RYR1: variants seen among roughly 807,000 people sequenced by gnomAD.
The protein encoded by RYR1 is ryanodine receptor 1, also known as central core disease of muscle.
In RYR1, 342 loss-of-function variants were observed where a neutral mutation model predicts 583.5. The ratio of observed to expected loss-of-function variants is 0.59; its 90% CI spans 0.54 to 0.64. The LOEUF (loss-of-function observed/expected upper bound fraction) is 0.64, where lower values mean the gene tolerates loss of function less well. Ranked by LOEUF, RYR1 falls within the 30% of genes least tolerant of loss-of-function variation. The pLI, the probability that RYR1 is intolerant of heterozygous loss-of-function variation, is 0.00. For synonymous variants in RYR1, 2,791 were observed against 2,822.5 expected (o/e 0.99, Z 0.35); for missense variants, 6,032 against 6,917.2 (o/e 0.87, Z 4.54).
At chr19:38,523,820 AG>A in intron 69 of RYR1, 94 bp from the exon 70 acceptor site, 1 of 1,525,150 alleles carries the variant, frequency 6.6e-7, no homozygotes, top group South Asian at 1.1e-5. Flanking sequence ...GGTGGGGCAG[AG>A]GAGGTGGGGT....
In RYR1 at chr19:38,477,832, G is replaced by A. The variant is rs756225550; in HGVS notation, c.4416G>A (p.Thr1472=). ...ACCTCAGCAAGGTCCGGGTCGTGAC[G>A]GTGACCATGGGGGATGAACAAGGCA... ...SFDLSKVRVV[T]VTMGDEQGNV... Residue 1472 remains threonine (T), a synonymous_variant, in exon 30 of 106, where the codon ACG becomes ACA. Coordinates refer to ENST00000359596, the MANE Select transcript of RYR1 (RefSeq NM_000540.3). The A allele has an allele frequency of 1.1e-5, 17 of 1,613,832 alleles. No homozygotes were observed. In the South Asian group the frequency reaches 1.3e-4, roughly 13 times the overall value.
intron 63 of RYR1, among the ~76,000 whole-genome samples, chr19:38,513,210 G>A (rs1007646658): frequency 3.9e-5 from 6 of 152,012 alleles, no homozygotes; most frequent in African/African-American, 9.7e-5. Flanking sequence ...GGTGGTGGTC[G>A]CCTATAATCC....
chr19:38,533,845 T>TGAACA (rs1212968943), intron 78 of RYR1, among the ~76,000 whole-genome samples: 1 of 151,768 alleles, frequency 6.6e-6, no homozygotes, highest in Non-Finnish European at 1.5e-5. Flanking sequence ...GAAGTAGTGA[T>TGAACA]GAACATAACT....
At chr19:38,489,993 G>C in intron 35 of RYR1, 83 bp from the exon 36 acceptor site, 1 of 1,421,368 alleles carries the variant, frequency 7.0e-7, no homozygotes, top group Non-Finnish European at 9.9e-7. Context: ...GCCATGGAGA[G>C]GGGAGAGGAA....
In RYR1 at chr19:38,505,879, A is replaced by G. The variant is rs930504916; in HGVS notation, c.8474A>G (p.Lys2825Arg). ...ATTGCCTGGGAATGGACGATAGAGA[A>G]GGCCAGGGAGGGTGAGGAGGAGAAG... is the stretch of plus-strand genomic sequence containing the variant. Reference protein sequence around the residue: ...AMIAWEWTIEKAREGEEEKTE... With the variant: ...AMIAWEWTIERAREGEEEKTE... Residue 2825 changes from lysine to arginine, a missense_variant, in exon 54 of 106, where the codon AAG becomes AGG. Lys to Arg is a conservative substitution (Grantham distance 26). Transcript: ENST00000359596. 3 of 1,614,058 alleles carry G rather than the reference A, an allele frequency of 1.9e-6. No homozygotes were observed. The highest frequency in any genetic ancestry group is 2.5e-6 in the Non-Finnish European group (3 of 1,179,996).
rs766797277 is a variant in RYR1 at position 38,466,351 on chromosome 19, C to A, written c.3131C>A (p.Thr1044Asn). 2 of 1,586,348 alleles carry A rather than the reference C, an allele frequency of 1.3e-6. No homozygotes were observed. The highest frequency in any genetic ancestry group is 8.6e-7 in the Non-Finnish European group (1 of 1,168,500). ...GACAGCCTCTGCCAGGCCGTGCGCA[C>A]CCTCCTGGGCTACGGCTACAACATC... ...NRDSLCQAVR[T>N]LLGYGYNIEP... The change falls in exon 24 of 106, where the codon ACC (threonine) becomes AAC (asparagine). Residue 1044 changes from threonine (T) to asparagine (N), a missense_variant. Thr to Asn is a moderately conservative substitution (Grantham distance 65). Coordinates refer to ENST00000359596, the MANE Select transcript of RYR1 (RefSeq NM_000540.3).
In RYR1 at chr19:38,483,491, G is replaced by A; in HGVS notation, c.4909G>A (p.Ala1637Thr). 6.4e-7 allele frequency: 1 copy of A among 1,556,400 alleles called. No homozygotes were observed. Among genetic ancestry groups the A allele is most frequent in the Non-Finnish European group, 8.7e-7 (1 of 1,154,412 alleles). ...GTGCCAGGAGCCGCTGACCATGATG[G>A]CGCTGCACATCCCCGAGGAGAACCG... ...VQCQEPLTMM[A>T]LHIPEENRCM... Residue 1637 changes from alanine to threonine, a missense_variant, in exon 33 of 106, where the codon GCG becomes ACG. Coordinates refer to ENST00000359596, the MANE Select transcript of RYR1 (RefSeq NM_000540.3). The surrounding 1 kb of genome is among the most constrained non-coding windows in gnomAD (Gnocchi z 6.3).
chr19:38,477,831 C>T lies in RYR1; in HGVS notation c.4415C>T (p.Thr1472Met), dbSNP rs1318296270. ...SFDLSKVRVV[T>M]VTMGDEQGNV... ...GACCTCAGCAAGGTCCGGGTCGTGACGGTGACCATGGGGGATGAACAAGGC... is the reference window on the plus strand; with the variant it reads ...GACCTCAGCAAGGTCCGGGTCGTGATGGTGACCATGGGGGATGAACAAGGC... Residue 1472 changes from threonine (T) to methionine (M), a missense_variant, in exon 30 of 106, where the codon ACG becomes ATG. This residue lies in a region of RYR1 where 2,627 missense variants were observed against 2,961.3 expected (regional missense o/e 0.89). Coordinates refer to ENST00000359596, the MANE Select transcript of RYR1 (RefSeq NM_000540.3). 26 of 1,392,756 alleles carry T rather than the reference C, an allele frequency of 1.9e-5. No homozygotes were observed. The highest frequency in any genetic ancestry group is 6.1e-5 in the African/African-American group (4 of 66,032). The allele number at this position is 1,392,756 out of a possible 1,614,324, so 86.3% of individuals were successfully genotyped here.
intron 89 of RYR1, among the ~76,000 whole-genome samples, chr19:38,560,555 C>T (rs1973079086): frequency 6.6e-6 from 1 of 151,008 alleles, no homozygotes; most frequent in African/African-American, 2.4e-5. Context: ...ATGATGAAAC[C>T]CTATCTCACT....
At chr19:38,471,081 G>A (rs1048851804) in intron 27 of RYR1, among the ~76,000 whole-genome samples, 1 of 152,210 alleles carries the variant, frequency 6.6e-6, no homozygotes, top group Non-Finnish European at 1.5e-5. Flanking sequence ...ACAGGCTGTG[G>A]GATTCCATTC....
At chr19:38,490,533 G>A in intron 36 of RYR1, 88 bp from the exon 37 acceptor site, 2 of 909,020 alleles carry the variant, frequency 2.2e-6, no homozygotes, top group East Asian at 2.5e-5. Flanking sequence ...CCTTAGACAT[G>A]GACTAACAAT....
At chr19:38,472,081 C>CT (rs1968452321) in intron 27 of RYR1, among the ~76,000 whole-genome samples, 1 of 151,778 alleles carries the variant, frequency 6.6e-6, no homozygotes, top group South Asian at 2.1e-4. Context: ...CTCTAGGAGA[C>CT]TTTTGAGAGT....
chr19:38,586,330 T>C (rs986337127), intron 104 of RYR1, 139 bp downstream of exon 104: 7 of 1,123,274 alleles, frequency 6.2e-6, no homozygotes, highest in Non-Finnish European at 2.6e-6. Flanking sequence ...AATCAGAAGG[T>C]AAGGGTGGGG....
chr19:38,578,088 G>A (rs1447927369), intron 98 of RYR1, 40 bp downstream of exon 98: 2 of 1,613,654 alleles, frequency 1.2e-6, no homozygotes, highest in Admixed American at 1.7e-5. Context: ...GGGGCATGCA[G>A]GGGAGGTGAC....
chr19:38,436,308 A>G (rs1972424652), intron 1 of RYR1, among the ~76,000 whole-genome samples: 1 of 151,696 alleles, frequency 6.6e-6, no homozygotes, highest in African/African-American at 2.4e-5. Context: ...CCCAGGCTCC[A>G]GTGATCCTCC....
chr19:38,519,357 C>T lies in RYR1; in HGVS notation c.10162C>T (p.Gln3388Ter). 1.2e-6 allele frequency: 2 copies of T among 1,611,180 alleles called. No homozygotes were observed. Among genetic ancestry groups the T allele is most frequent in the South Asian group, 2.2e-5 (2 of 90,824 alleles). ...QLRLEAKAEA[Q>*]EGELLVRDEF... ...GCGCCTGGAGGCCAAGGCGGAGGCC[C>T]AGGAGGGCGAGCTGCTGGTGCGGGA... is the stretch of plus-strand genomic sequence containing the variant. Residue 3388 changes from glutamine (Q) to a stop codon, truncating the protein, a stop_gained, in exon 67 of 106, where the codon CAG becomes TAG. Transcript: ENST00000359596. LOFTEE classifies it high-confidence loss of function.
intron 90 of RYR1, among the ~76,000 whole-genome samples, 176 bp from the exon 91 acceptor site, chr19:38,564,783 T>C (rs1212314893): frequency 6.6e-6 from 1 of 152,204 alleles, no homozygotes; most frequent in African/African-American, 2.4e-5. Context: ...CCCAAAGTGC[T>C]ATGATTACAG....
At position 38,586,144 on chromosome 19, in the gene RYR1, T is replaced by C; in HGVS notation, c.14922T>C (p.His4974=). 1 of 1,614,092 alleles carries C rather than the reference T, an allele frequency of 6.2e-7. No homozygotes were observed. Among genetic ancestry groups the C allele is most frequent in the Non-Finnish European group, 8.5e-7 (1 of 1,180,014 alleles). ...GTGACTACTTTGATACGACACCGCA[T>C]GGCTTCGAGACTCACACGCTGGAGG... ...IGSDYFDTTP[H]GFETHTLEEH... is the part of the protein sequence containing the mutation. The change falls in exon 104 of 106, where the codon CAT becomes CAC. Residue 4974 remains histidine (H), a synonymous_variant. Transcript: ENST00000359596.
At chr19:38,502,751 T>C (rs1335853828) in intron 48 of RYR1, 24 bp downstream of exon 48, 2 of 1,045,444 alleles carry the variant, frequency 1.9e-6, no homozygotes, top group Non-Finnish European at 2.7e-6. Flanking sequence ...GGCTTCAGGG[T>C]GGGGCAGGGG....
Sources: gnomAD v4.1 joint callset for allele counts (sites outside exome capture counted in the v4.1 genomes callset) on GRCh38, gnomAD v4.1.1 for gene constraint, gnomAD v4.1.1 regional missense constraint, Gnocchi (gnomAD v3.1) non-coding constraint, MANE v1.5 for transcripts, NCBI Gene and HGNC (gene_info 2026-07-23, HGNC 2026-07-21) for gene names.